Variants in RFTN1 observed in about 807,000 individuals in gnomAD.
RFTN1 encodes raftlin, lipid raft linker 1, also known as raftlin.
A neutral mutation model predicts 46.5 loss-of-function variants in RFTN1; 26 were observed. The ratio of observed to expected loss-of-function variants is 0.56; its 90% CI spans 0.41 to 0.78. The LOEUF (loss-of-function observed/expected upper bound fraction) is 0.78. RFTN1 is among the 30% of genes least tolerant of loss of function. The pLI, the probability that RFTN1 is intolerant of heterozygous loss-of-function variation, is 0.00. For synonymous variants in RFTN1, 261 were observed against 284.2 expected, an observed-to-expected ratio of 0.92 and a Z score of 0.82; for missense variants, 693 against 718.7, an observed-to-expected ratio of 0.96 and a Z score of 0.41.
chr3:16,336,674 T>A lies in RFTN1; in HGVS notation c.1147-9798A>T, dbSNP rs55956042. On this transcript the variant is annotated intron_variant, in intron 7 of 9. Transcript: ENST00000334133. The surrounding 1 kb of genome is among the most constrained non-coding windows in gnomAD (Gnocchi z 6.0). ...GTTCAAAGAGAATAATTTTTTTTTT[T>A]TAAAAAAGCTTAGTTCTTAGATGCA... Among the ~76,000 whole-genome samples the A allele has an allele frequency of 0.058, 8,749 of 152,122 alleles. 260 individuals are homozygous for A. Among genetic ancestry groups the A allele is most frequent in the Middle Eastern group, 0.095 (28 of 294 alleles).
intron 1 of RFTN1, among the ~76,000 whole-genome samples, chr3:16,503,668 GATCTGCTTAGT>G (rs1559379895): frequency 6.6e-6 from 1 of 152,052 alleles, no homozygotes; most frequent in Non-Finnish European, 1.5e-5. Flanking sequence ...CAGCCATACG[GATCTGCTTAGT>G]TCCACATCCC....
intron 3 of RFTN1, among the ~76,000 whole-genome samples, chr3:16,415,409 G>GTATATGTATATATATATATATATA (rs2075053886): frequency 1.9e-5 from 2 of 104,536 alleles, no homozygotes; most frequent in African/African-American, 6.0e-5. Context: ...AGACAGTTGA[G>GTATATGTATATATATATATATATA]TATATATATA....
At position 16,407,157 on chromosome 3, in the gene RFTN1, A is replaced by G. The variant is rs2074878853; in HGVS notation, c.441+2218T>C. Among the ~76,000 whole-genome samples the G allele has an allele frequency of 2.0e-5, 3 of 152,188 alleles. No homozygotes were observed. The highest frequency in any genetic ancestry group is 7.2e-5 in the African/African-American group (3 of 41,434). ...TGCAATAACCTAATTTGGTTAAGACAAAGTCACCAACTCATATCAACTCAT... is the reference window on the plus strand; with the variant it reads ...TGCAATAACCTAATTTGGTTAAGACGAAGTCACCAACTCATATCAACTCAT... On this transcript the variant is annotated intron_variant, in intron 4 of 9. Coordinates refer to ENST00000334133, the MANE Select transcript of RFTN1 (RefSeq NM_015150.2). This position sits in a 1 kb window ranked among gnomAD's most constrained non-coding sequence, Gnocchi z 4.0.
intron 2 of RFTN1, among the ~76,000 whole-genome samples, chr3:16,467,892 C>A (rs989260431): frequency 6.6e-6 from 1 of 152,150 alleles, no homozygotes; most frequent in Non-Finnish European, 1.5e-5. Flanking sequence ...TCCCTCACCC[C>A]ACTCGTGCAT....
At chr3:16,369,276 G>A (rs887552180) in intron 6 of RFTN1, among the ~76,000 whole-genome samples, 6 of 152,306 alleles carry the variant, frequency 3.9e-5, no homozygotes, top group Admixed American at 2.6e-4. Context: ...AACAACACAC[G>A]GCGCTGTTGA....
rs2076673595 is a variant in RFTN1, at chr3:16,499,358, T to C, written c.-8-5481A>G. Reference sequence around the variant, plus strand: ...GTTTCTGGACCCAGCTTTAAGAAACTTGAGAGCATTTACTCCCTGACTTTT... The same window carrying C: ...GTTTCTGGACCCAGCTTTAAGAAACCTGAGAGCATTTACTCCCTGACTTTT... On this transcript the variant is annotated intron_variant, in intron 1 of 9. Transcript: ENST00000334133. The surrounding 1 kb of genome is among the most constrained non-coding windows in gnomAD (Gnocchi z 4.9). 6.6e-6 allele frequency among the ~76,000 whole-genome samples: 1 copy of C among 152,150 alleles called. No homozygotes were observed. The highest frequency in any genetic ancestry group is 1.5e-5 in the Non-Finnish European group (1 of 68,024).
intron 2 of RFTN1, among the ~76,000 whole-genome samples, chr3:16,435,942 ATATC>A (rs1164692969): frequency 2.1e-5 from 3 of 142,648 alleles, no homozygotes; most frequent in African/African-American, 5.2e-5. Flanking sequence ...ATATATATAT[ATATC>A]ACACACATAT....
chr3:16,354,344 G>A (rs1308143657), intron 7 of RFTN1, among the ~76,000 whole-genome samples: 1 of 152,198 alleles, frequency 6.6e-6, no homozygotes, highest in Non-Finnish European at 1.5e-5. Context: ...ATAAACCAAG[G>A]AGTTACAGTC....
intron 1 of RFTN1, among the ~76,000 whole-genome samples, chr3:16,494,133 G>C (rs1559375283): frequency 6.6e-6 from 1 of 152,026 alleles, no homozygotes; most frequent in Non-Finnish European, 1.5e-5. Context: ...AAGCATACCT[G>C]TTTTATATCT....
intron 7 of RFTN1, among the ~76,000 whole-genome samples, chr3:16,343,370 A>C (rs577022307): frequency 1.2e-4 from 19 of 152,324 alleles, no homozygotes; most frequent in Non-Finnish European, 2.2e-4. Flanking sequence ...CAATCAACAA[A>C]AACAGTCTAC....
rs996074144 is a variant in RFTN1 at position 16,374,517 on chromosome 3, G to A, written c.826+3201C>T. ...CCATTCACAATGAGCTGGCAGCCAG[G>A]GAGGGCTACTGAATAAAATCCTCTC... On this transcript the variant is annotated intron_variant, in intron 5 of 9. Transcript: ENST00000334133. This position sits in a 1 kb window ranked among gnomAD's most constrained non-coding sequence, Gnocchi z 5.4. Among the ~76,000 whole-genome samples the A allele has an allele frequency of 1.3e-5, 2 of 152,192 alleles. No individual in the cohort carries two copies. The highest frequency in any genetic ancestry group is 4.8e-5 in the African/African-American group (2 of 41,440).
chr3:16,430,182 A>T, intron 3 of RFTN1, among the ~76,000 whole-genome samples: 1 of 152,152 alleles, frequency 6.6e-6, no homozygotes, highest in East Asian at 1.9e-4. Context: ...ACACAGTCAC[A>T]TCCCAGGAGC....
chr3:16,476,805 T>C (rs2076288939), intron 2 of RFTN1, among the ~76,000 whole-genome samples: 1 of 152,260 alleles, frequency 6.6e-6, no homozygotes, highest in Non-Finnish European at 1.5e-5. Flanking sequence ...AGCTTAGTGG[T>C]TGAGTTCATG....
At position 16,321,404 on chromosome 3, in the gene RFTN1, A is replaced by T. The variant is rs1205177119; in HGVS notation, c.1332+1972T>A. On this transcript the variant is annotated intron_variant, in intron 9 of 9. Transcript: ENST00000334133. This position sits in a 1 kb window ranked among gnomAD's most constrained non-coding sequence, Gnocchi z 4.8. ...AAAGAACCAAGAGAAAAGCTGCTTCAGGGAGTGGGGGTGGTCCCAACATCC... is the reference window on the plus strand; with the variant it reads ...AAAGAACCAAGAGAAAAGCTGCTTCTGGGAGTGGGGGTGGTCCCAACATCC... 1.3e-5 allele frequency among the ~76,000 whole-genome samples: 2 copies of T among 152,196 alleles called. No individual in the cohort carries two copies. The highest frequency in any genetic ancestry group is 2.9e-5 in the Non-Finnish European group (2 of 68,018).
At chr3:16,491,770 A>G (rs943783105) in intron 2 of RFTN1, among the ~76,000 whole-genome samples, 3 of 149,908 alleles carry the variant, frequency 2.0e-5, no homozygotes, top group African/African-American at 7.3e-5. Context: ...ACAAACAAAC[A>G]AAACAAACAA....
At chr3:16,392,997 G>C (rs913362619) in intron 4 of RFTN1, among the ~76,000 whole-genome samples, 5 of 152,140 alleles carry the variant, frequency 3.3e-5, no homozygotes, top group African/African-American at 7.2e-5. Flanking sequence ...ACAGGCTCTT[G>C]CTCTTTCATT....
Position 16,447,942 on chromosome 3 carries a change from T to C in RFTN1, c.146-13905A>G, listed in dbSNP as rs954621914. 6.6e-6 allele frequency among the ~76,000 whole-genome samples: 1 copy of C among 152,198 alleles called. No homozygotes were observed. The highest frequency in any genetic ancestry group is 2.4e-5 in the African/African-American group (1 of 41,460). On this transcript the variant is annotated intron_variant, in intron 2 of 9. Coordinates refer to ENST00000334133, the MANE Select transcript of RFTN1 (RefSeq NM_015150.2). This position sits in a 1 kb window ranked among gnomAD's most constrained non-coding sequence, Gnocchi z 5.9. ...TTATAAGGAATCTTTAGATTTTCTC[T>C]AATGTATTATTTCTTCCCTCTCTTC...
intron 2 of RFTN1, among the ~76,000 whole-genome samples, chr3:16,467,993 G>T (rs1326742417): frequency 1.3e-5 from 2 of 152,148 alleles, no homozygotes; most frequent in Non-Finnish European, 2.9e-5. Flanking sequence ...TAATTCCTCA[G>T]CAAGCCTTTC....
chr3:16,392,040 G>A (rs1559318211), intron 4 of RFTN1, among the ~76,000 whole-genome samples: 1 of 151,972 alleles, frequency 6.6e-6, no homozygotes, highest in Non-Finnish European at 1.5e-5. Context: ...ATTTCTTGAG[G>A]AGGCAAGTCA....
Sources: gnomAD v4.1 joint callset for allele counts (sites outside exome capture counted in the v4.1 genomes callset) on GRCh38, gnomAD v4.1.1 for gene constraint, Gnocchi (gnomAD v3.1) non-coding constraint, MANE v1.5 for transcripts, NCBI Gene and HGNC (gene_info 2026-07-23, HGNC 2026-07-21) for gene names.